ATF7: variants seen among roughly 807,000 people sequenced by gnomAD.
ATF7 encodes activating transcription factor 7.
A neutral mutation model predicts 50.4 loss-of-function variants in ATF7; 10 were observed. The ratio of observed to expected loss-of-function variants is 0.20; its 90% CI spans 0.12 to 0.34. The LOEUF (loss-of-function observed/expected upper bound fraction) is 0.34, where lower values mean the gene tolerates loss of function less well. Among genes scored for constraint, ATF7 ranks in the 10% least tolerant of loss-of-function variants. ATF7 has a pLI of 1.00. For missense variants in ATF7, 465 were observed against 613.9 expected, an observed-to-expected ratio of 0.76 and a Z score of 2.56; for synonymous variants, 201 against 226.4, an observed-to-expected ratio of 0.89 and a Z score of 1.01.
rs556111259 is a variant in ATF7 at position 53,618,967 on chromosome 12, G to C, written c.-22+7312C>G. ...CTTGGGAGGCTGAGGCATGAGAATTGCTTGAACCTGGGAGGCAGAGGTTGC... is the reference window on the plus strand; with the variant it reads ...CTTGGGAGGCTGAGGCATGAGAATTCCTTGAACCTGGGAGGCAGAGGTTGC... On this transcript the variant is annotated intron_variant, in intron 1 of 11. Coordinates refer to ENST00000420353, the MANE Select transcript of ATF7 (RefSeq NM_006856.3). 1.8e-3 allele frequency among the ~76,000 whole-genome samples: 267 copies of C among 150,078 alleles called. 2 individuals are homozygous for C. Among genetic ancestry groups the C allele is most frequent in the Non-Finnish European group, 2.9e-3 (193 of 67,496 alleles).
At chr12:53,529,336 A>C (rs994371211) in intron 9 of ATF7, among the ~76,000 whole-genome samples, 1 of 151,988 alleles carries the variant, frequency 6.6e-6, no homozygotes, top group Admixed American at 6.6e-5. Flanking sequence ...AGTAGCTGGG[A>C]TTACAGGCGT....
chr12:53,591,961 A>G (rs532500302), intron 2 of ATF7, among the ~76,000 whole-genome samples: 2 of 152,166 alleles, frequency 1.3e-5, no homozygotes, highest in Non-Finnish European at 2.9e-5. Context: ...CTTTCAATCC[A>G]GGGAATTGCA....
At chr12:53,547,101 C>T (rs573042290) in intron 3 of ATF7, among the ~76,000 whole-genome samples, 3 of 150,756 alleles carry the variant, frequency 2.0e-5, no homozygotes, top group South Asian at 4.2e-4. Flanking sequence ...TCTCCTGCCT[C>T]AGCCTCCCGA....
rs116927998 is a variant in ATF7, at chr12:53,540,291, C to T, written c.265-2739G>A. On this transcript the variant is annotated intron_variant, in intron 4 of 11. Coordinates refer to ENST00000420353, the MANE Select transcript of ATF7 (RefSeq NM_006856.3). ...ACTTGAACTCAGGAGGTGGAGGTTG[C>T]AGTGAGCCATCATGATCGCACCACT... Among the ~76,000 whole-genome samples the T allele has an allele frequency of 1.3e-3, 189 of 147,662 alleles. 2 individuals are homozygous for T. In the East Asian group the frequency reaches 0.028, roughly 22 times the overall value.
At chr12:53,556,224 A>G (rs1051008849) in intron 2 of ATF7, among the ~76,000 whole-genome samples, 9 of 152,296 alleles carry the variant, frequency 5.9e-5, no homozygotes, top group Admixed American at 3.3e-4. Flanking sequence ...CCTTTTTATC[A>G]TATATTTTTG....
At chr12:53,560,788 A>T (rs1941052683) in intron 2 of ATF7, among the ~76,000 whole-genome samples, 4 of 152,168 alleles carry the variant, frequency 2.6e-5, no homozygotes, top group Non-Finnish European at 5.9e-5. Flanking sequence ...GAAATAATAC[A>T]AGGAACTGAG....
chr12:53,559,019 C>A (rs1215869041), intron 2 of ATF7, among the ~76,000 whole-genome samples: 1 of 151,802 alleles, frequency 6.6e-6, no homozygotes, highest in East Asian at 1.9e-4. Flanking sequence ...CAGTGGCTCA[C>A]ACCTGTAACC....
Position 53,517,073 on chromosome 12 carries a change from T to G in ATF7, c.*64A>C. 6.5e-6 allele frequency: 10 copies of G among 1,550,010 alleles called. No individual in the cohort carries two copies. Among genetic ancestry groups the G allele is most frequent in the Non-Finnish European group, 6.2e-6 (7 of 1,135,262 alleles). On this transcript the variant is annotated 3_prime_UTR_variant, in exon 12 of 12. Transcript: ENST00000420353. The stretch of plus-strand genomic sequence containing the variant: ...CCAAGGCAGATGGGAGGGGATAAGA[T>G]GACATCTCTCTTGGCTCTTGGGCGG...
rs1413904015 is a variant in ATF7 at position 53,533,272 on chromosome 12, T to C, written c.561-13A>G. The C allele has an allele frequency of 3.8e-6, 6 of 1,579,554 alleles. No homozygotes were observed. In the Admixed American group the frequency reaches 1.0e-4, roughly 26 times the overall value. On this transcript the variant is annotated splice_polypyrimidine_tract_variant and intron_variant, in intron 6 of 11. Coordinates refer to ENST00000420353, the MANE Select transcript of ATF7 (RefSeq NM_006856.3). ...GCCAGTGGGAGACCTAGAGGAGACATGAAGTGAAATGCTCATAACACAGAC... is the reference window on the plus strand; with the variant it reads ...GCCAGTGGGAGACCTAGAGGAGACACGAAGTGAAATGCTCATAACACAGAC...
rs542192627 is a variant in ATF7 at position 53,585,051 on chromosome 12, C to T, written c.48+15902G>A. Among the ~76,000 whole-genome samples the T allele has an allele frequency of 1.4e-4, 22 of 152,276 alleles. 1 individual carries two copies. Reference sequence around the variant, plus strand: ...GCAGTGGCACAATCATGGCTCACTGCAGCCTTGACCTCCCGGGCTCAAGCA... The same window carrying T: ...GCAGTGGCACAATCATGGCTCACTGTAGCCTTGACCTCCCGGGCTCAAGCA... On this transcript the variant is annotated intron_variant, in intron 2 of 11. Coordinates refer to ENST00000420353, the MANE Select transcript of ATF7 (RefSeq NM_006856.3).
At chr12:53,624,754 TG>T (rs376300834) in intron 1 of ATF7, among the ~76,000 whole-genome samples, 1 of 152,340 alleles carries the variant, frequency 6.6e-6, no homozygotes, top group African/African-American at 2.4e-5. Context: ...AGGAAAAAAC[TG>T]AACATTTTTC....
At chr12:53,533,996 G>A (rs866574160) in intron 6 of ATF7, among the ~76,000 whole-genome samples, 6 of 152,168 alleles carry the variant, frequency 3.9e-5, no homozygotes, top group South Asian at 4.1e-4. Context: ...TATTACCCCC[G>A]GCTGGGCACG....
At chr12:53,582,184 C>T (rs1168399751) in intron 2 of ATF7, among the ~76,000 whole-genome samples, 1 of 151,734 alleles carries the variant, frequency 6.6e-6, no homozygotes, top group Non-Finnish European at 1.5e-5. Flanking sequence ...AAAAAATTAG[C>T]TGAGCATGGT....
At chr12:53,531,314 C>T (rs552516757) in intron 9 of ATF7, among the ~76,000 whole-genome samples, 9 of 150,290 alleles carry the variant, frequency 6.0e-5, no homozygotes, top group Non-Finnish European at 1.0e-4. Context: ...CCCAGCTACT[C>T]GGGAGGCTGA....
downstream of ATF7, among the ~76,000 whole-genome samples, chr12:53,510,790 T>C (rs898705944): frequency 1.3e-5 from 2 of 152,146 alleles, no homozygotes; most frequent in Admixed American, 1.3e-4. Flanking sequence ...CTGGTCTCCT[T>C]TGAAGTTGGA....
chr12:53,611,018 G>T (rs1237458825), intron 1 of ATF7, among the ~76,000 whole-genome samples: 1 of 151,808 alleles, frequency 6.6e-6, no homozygotes, highest in African/African-American at 2.4e-5. Flanking sequence ...AGAGACAGGG[G>T]GTCTTGCCAT....
At chr12:53,599,620 G>T (rs1697151222) in intron 2 of ATF7, among the ~76,000 whole-genome samples, 1 of 152,044 alleles carries the variant, frequency 6.6e-6, no homozygotes, top group Non-Finnish European at 1.5e-5. Context: ...GCATTTACTG[G>T]AATTTGGAAT....
chr12:53,591,759 A>G lies in ATF7; in HGVS notation c.48+9194T>C, dbSNP rs573050513. Among the ~76,000 whole-genome samples the G allele has an allele frequency of 4.4e-4, 67 of 152,334 alleles. 1 individual carries two copies. The highest frequency in any genetic ancestry group is 1.5e-3 in the African/African-American group (64 of 41,580). ...AGGATGATTCTCTCTGGAATAACATAAATGGCTCTTTGAGAGACCATGTCT... is the reference window on the plus strand; with the variant it reads ...AGGATGATTCTCTCTGGAATAACATGAATGGCTCTTTGAGAGACCATGTCT... On this transcript the variant is annotated intron_variant, in intron 2 of 11. Coordinates refer to ENST00000420353, the MANE Select transcript of ATF7 (RefSeq NM_006856.3).
chr12:53,608,777 T>C (rs952406889), intron 1 of ATF7, among the ~76,000 whole-genome samples: 1 of 152,178 alleles, frequency 6.6e-6, no homozygotes, highest in Non-Finnish European at 1.5e-5. Context: ...TAAGATAATT[T>C]AGCTGCCATT....
Sources: allele counts gnomAD v4.1 joint callset (sites outside exome capture counted in the v4.1 genomes callset), GRCh38; gene constraint gnomAD v4.1.1; transcripts MANE v1.5; gene names NCBI Gene and HGNC (gene_info 2026-07-23, HGNC 2026-07-21).